The following UTS2R variants were observed in gnomAD, a reference collection of about 807,000 sequenced individuals.
UTS2R encodes the protein urotensin-2 receptor.
For synonymous variants in UTS2R, 335 were observed against 280.9 expected (o/e 1.19, Z -1.93); for missense variants, 653 against 562.2 (o/e 1.16, Z -1.63).
Position 82,371,840 on chromosome 17 carries a change from C to T in UTS2R, c.-476C>T, listed in dbSNP as rs1489816808. 2.0e-5 allele frequency among the ~76,000 whole-genome samples: 3 copies of T among 151,004 alleles called. No individual in the cohort carries two copies. Among genetic ancestry groups the T allele is most frequent in the Non-Finnish European group, 4.5e-5 (3 of 67,328 alleles). ...GGGGCGGGGGGCGCGGCTTTGGTGG[C>T]GGGACTGGCGGGCGCCCCTGCCGTG... is the stretch of plus-strand genomic sequence containing the variant. On this transcript the variant is annotated 5_prime_UTR_variant, in exon 1 of 3. Coordinates refer to ENST00000313135, the MANE Select transcript of UTS2R (RefSeq NM_018949.3). The surrounding 1 kb of genome is among the most constrained non-coding windows in gnomAD (Gnocchi z 6.3).
chr17:82,375,316 G>A lies in UTS2R; in HGVS notation c.992G>A (p.Arg331Gln), dbSNP rs763090906. 3.9e-6 allele frequency: 6 copies of A among 1,546,270 alleles called. No homozygotes were observed. The highest frequency in any genetic ancestry group is 1.7e-4 in the Middle Eastern group (1 of 5,884). ...CGCGACCACCTGCGCGGCCGCGTGC[G>A]GGGCCCGGGCAGCGGGGGAGGCCGG... is the stretch of plus-strand genomic sequence containing the variant. ...NYRDHLRGRVRGPGSGGGRGP... is the reference protein window; with the variant it reads ...NYRDHLRGRVQGPGSGGGRGP... The change falls in exon 3 of 3, where the codon CGG becomes CAG. Residue 331 changes from arginine (R) to glutamine (Q), a missense_variant. Transcript: ENST00000313135.
chr17:82,375,407 C>T lies in UTS2R; in HGVS notation c.1083C>T (p.Ser361=), dbSNP rs1371029212. The change falls in exon 3 of 3, where the codon TCC becomes TCT. Residue 361 remains serine, a synonymous_variant. Transcript: ENST00000313135. The stretch of plus-strand genomic sequence containing the variant: ...GCTGTTCGGGCCGCTCCCTGTCTTC[C>T]TGCAGCCCACAGCCCACTGACAGCC... ...FQRCSGRSLS[S]CSPQPTDSLV... 1 of 1,577,560 alleles carries T rather than the reference C, an allele frequency of 6.3e-7. No individual in the cohort carries two copies. The highest frequency in any genetic ancestry group is 8.5e-7 in the Non-Finnish European group (1 of 1,170,528).
rs934210290 is a variant in UTS2R at position 82,375,707 on chromosome 17, C to T, written c.*213C>T. 2.8e-5 allele frequency: 12 copies of T among 432,790 alleles called. No individual in the cohort carries two copies. The South Asian group carries it at 5.5e-4, about 20-fold the overall frequency. The allele number at this position is 432,790 out of a possible 1,614,324, so 26.8% of individuals were successfully genotyped here. On this transcript the variant is annotated 3_prime_UTR_variant, in exon 3 of 3. Coordinates refer to ENST00000313135, the MANE Select transcript of UTS2R (RefSeq NM_018949.3). Reference sequence around the variant, plus strand: ...TCTCCAGGAGGCTCCAGCGCAGTCCCGGCTTCTGGAGACCATGGCTTCGTC... The same window carrying T: ...TCTCCAGGAGGCTCCAGCGCAGTCCTGGCTTCTGGAGACCATGGCTTCGTC...
Position 82,375,500 on chromosome 17 carries a change from C to G in UTS2R, c.*6C>G, listed in dbSNP as rs778880429. The G allele has an allele frequency of 8.1e-7, 1 of 1,232,536 alleles. No individual in the cohort carries two copies. Among genetic ancestry groups the G allele is most frequent in the Non-Finnish European group, 1.1e-6 (1 of 922,388 alleles). 76.3% of individuals were successfully genotyped at this position (1,232,536 alleles called of 1,614,324 possible). On this transcript the variant is annotated 3_prime_UTR_variant, in exon 3 of 3. Transcript: ENST00000313135. ...GTCCCAGGGCCCCGGCGTGAGCACG[C>G]GGAGGGGCGGCTGGAGTCCAGGCGG...
chr17:82,374,438 C>A lies in UTS2R; in HGVS notation c.114C>A (p.Ser38Arg). 6.3e-7 allele frequency: 1 copy of A among 1,598,398 alleles called. No homozygotes were observed. The change falls in exon 3 of 3, where the codon AGC becomes AGA. Residue 38 changes from serine to arginine, a missense_variant. Ser to Arg is a moderately radical substitution (Grantham distance 110). Coordinates refer to ENST00000313135, the MANE Select transcript of UTS2R (RefSeq NM_018949.3). ...PNATLNSSWASPTEPSSLEDL... is the reference protein window; with the variant it reads ...PNATLNSSWARPTEPSSLEDL... Reference sequence around the variant, plus strand: ...CAACCCTCAACAGCTCCTGGGCCAGCCCGACCGAGCCCAGCTCCCTGGAGG... The same window carrying A: ...CAACCCTCAACAGCTCCTGGGCCAGACCGACCGAGCCCAGCTCCCTGGAGG...
chr17:82,374,135 C>G (rs1157837610), intron 2 of UTS2R, 108 bp from the exon 3 acceptor site: 1 of 584,498 alleles, frequency 1.7e-6, no homozygotes, highest in Non-Finnish European at 3.0e-6. Context: ...CAGAGAGTCC[C>G]GAGAGTTGGA....
Position 82,375,685 on chromosome 17 carries a change from C to T in UTS2R, c.*191C>T, listed in dbSNP as rs544231407. The T allele has an allele frequency of 1.3e-4, 59 of 464,488 alleles. No individual in the cohort carries two copies. The highest frequency in any genetic ancestry group is 9.0e-4 in the African/African-American group (44 of 48,674). The allele number at this position is 464,488 out of a possible 1,614,324, so 28.8% of individuals were successfully genotyped here. On this transcript the variant is annotated 3_prime_UTR_variant, in exon 3 of 3. Transcript: ENST00000313135. ...CGCCCACCCGCCTCCCTGAGGGTCT[C>T]CAGGAGGCTCCAGCGCAGTCCCGGC...
Position 82,374,547 on chromosome 17 carries a change from G to T in UTS2R, c.223G>T (p.Val75Phe). The change falls in exon 3 of 3, where the codon GTC becomes TTC. Residue 75 changes from valine (V) to phenylalanine (F), a missense_variant. Coordinates refer to ENST00000313135, the MANE Select transcript of UTS2R (RefSeq NM_018949.3). ...GVVGNAYTLV[V>F]TCRSLRAVAS... ...GGTGGGCAACGCCTACACGCTGGTG[G>T]TCACCTGCCGCTCCCTGCGTGCGGT... 6.3e-7 allele frequency: 1 copy of T among 1,585,586 alleles called. No individual in the cohort carries two copies. Among genetic ancestry groups the T allele is most frequent in the Non-Finnish European group, 8.6e-7 (1 of 1,166,896 alleles).
Position 82,374,834 on chromosome 17 carries a change from G to C in UTS2R, c.510G>C (p.Ala170=). ...CCAAGGGCTACCGCAAGCTGCTGGCGCTGGGCACCTGGCTGCTGGCGCTGC... is the reference window on the plus strand; with the variant it reads ...CCAAGGGCTACCGCAAGCTGCTGGCCCTGGGCACCTGGCTGCTGGCGCTGC... The part of the protein sequence containing the change: ...QRPKGYRKLL[A]LGTWLLALLL... The change falls in exon 3 of 3, where the codon GCG becomes GCC. Residue 170 remains alanine (A), a synonymous_variant. Coordinates refer to ENST00000313135, the MANE Select transcript of UTS2R (RefSeq NM_018949.3). 1 of 1,472,790 alleles carries C rather than the reference G, an allele frequency of 6.8e-7. No homozygotes were observed. Among genetic ancestry groups the C allele is most frequent in the Non-Finnish European group, 9.3e-7 (1 of 1,078,544 alleles). 91.2% of individuals were successfully genotyped at this position (1,472,790 alleles called of 1,614,324 possible). A position where few individuals can be genotyped will look rare whatever the true frequency, so the allele number is the denominator to read the frequency against.
In UTS2R at chr17:82,374,830, T is replaced by C. The variant is rs200698159; in HGVS notation, c.506T>C (p.Leu169Pro). 1.3e-6 allele frequency: 2 copies of C among 1,493,036 alleles called. No individual in the cohort carries two copies. Among genetic ancestry groups the C allele is most frequent in the Admixed American group, 1.8e-5 (1 of 54,596 alleles). The allele number at this position is 1,493,036 out of a possible 1,614,324, so 92.5% of individuals were successfully genotyped here. ...VQRPKGYRKL[L>P]ALGTWLLALL... ...CGCCCCAAGGGCTACCGCAAGCTGC[T>C]GGCGCTGGGCACCTGGCTGCTGGCG... The change falls in exon 3 of 3, where the codon CTG (leucine) becomes CCG (proline). Residue 169 changes from leucine to proline, a missense_variant. Transcript: ENST00000313135.
In UTS2R at chr17:82,374,265, G is replaced by GC. The variant is rs2052469478; in HGVS notation, c.-55dup. On this transcript the variant is annotated 5_prime_UTR_variant, in exon 3 of 3. Coordinates refer to ENST00000313135, the MANE Select transcript of UTS2R (RefSeq NM_018949.3). ...CAGGCTGAGCTGGTTGCCCACAGGG[G>GC]CCCCCGCCCCATCTCAGGGAGTGTC... The GC allele has an allele frequency of 7.2e-6, 10 of 1,386,972 alleles. No individual in the cohort carries two copies. The highest frequency in any genetic ancestry group is 9.6e-6 in the Non-Finnish European group (10 of 1,047,038). 85.9% of individuals were successfully genotyped at this position (1,386,972 alleles called of 1,614,324 possible).
Position 82,375,331 on chromosome 17 carries a change from G to C in UTS2R, c.1007G>C (p.Gly336Ala). The C allele has an allele frequency of 1.9e-6, 3 of 1,552,138 alleles. No individual in the cohort carries two copies. The highest frequency in any genetic ancestry group is 2.6e-6 in the Non-Finnish European group (3 of 1,151,092). Residue 336 changes from glycine (G) to alanine (A), a missense_variant, in exon 3 of 3, where the codon GGG (glycine) becomes GCG (alanine). Transcript: ENST00000313135. ...GGCCGCGTGCGGGGCCCGGGCAGCG[G>C]GGGAGGCCGGGGGCCCGTTCCCTCC... ...LRGRVRGPGS[G>A]GGRGPVPSLQ...
At position 82,375,033 on chromosome 17, in the gene UTS2R, G is replaced by T; in HGVS notation, c.709G>T (p.Ala237Ser). 7.2e-7 allele frequency: 1 copy of T among 1,395,736 alleles called. No individual in the cohort carries two copies. The highest frequency in any genetic ancestry group is 1.4e-5 in the South Asian group (1 of 70,222). The allele number at this position is 1,395,736 out of a possible 1,614,324, so 86.5% of individuals were successfully genotyped here. A position where few individuals can be genotyped will look rare whatever the true frequency, so the allele number is the denominator to read the frequency against. The change falls in exon 3 of 3, where the codon GCC (alanine) becomes TCC (serine). Residue 237 changes from alanine (A) to serine (S), a missense_variant. By Grantham distance (99) the Ala-to-Ser change is moderately conservative. Transcript: ENST00000313135. ...GCTGCTCTACGCGCGCCTGGCCCGCGCCTACCGCCGCTCGCAGCGCGCCTC... is the reference window on the plus strand; with the variant it reads ...GCTGCTCTACGCGCGCCTGGCCCGCTCCTACCGCCGCTCGCAGCGCGCCTC... Reference protein sequence around the residue: ...IGLLYARLARAYRRSQRASFK... With the variant: ...IGLLYARLARSYRRSQRASFK...
Position 82,375,467 on chromosome 17 carries a change from G to C in UTS2R, c.1143G>C (p.Ala381=). ...VLAPAAPARP[A]PEGPRAPA ...CCCCAGCGGCCCCGGCCCGACCTGC[G>C]CCCGAGGGTCCCAGGGCCCCGGCGT... is the stretch of plus-strand genomic sequence containing the variant. Residue 381 remains alanine, a synonymous_variant, in exon 3 of 3, where the codon GCG becomes GCC. Coordinates refer to ENST00000313135, the MANE Select transcript of UTS2R (RefSeq NM_018949.3). The C allele has an allele frequency of 6.7e-7, 1 of 1,484,348 alleles. No homozygotes were observed. The highest frequency in any genetic ancestry group is 9.0e-7 in the Non-Finnish European group (1 of 1,112,352). The allele number at this position is 1,484,348 out of a possible 1,614,324, so 91.9% of individuals were successfully genotyped here.
Position 82,376,169 on chromosome 17 carries a change from G to A in UTS2R, c.*675G>A, listed in dbSNP as rs909649073. ...CTGAGGCTTTGGGTGCAGAACGCAA[G>A]AGGACAAGGTCAGTGGCCGCACCTA... On this transcript the variant is annotated 3_prime_UTR_variant, in exon 3 of 3. Transcript: ENST00000313135. Among the ~76,000 whole-genome samples the A allele has an allele frequency of 1.3e-5, 2 of 152,208 alleles. No individual in the cohort carries two copies. Among genetic ancestry groups the A allele is most frequent in the Non-Finnish European group, 2.9e-5 (2 of 68,016 alleles).
Position 82,375,406 on chromosome 17 carries a change from C to A in UTS2R, c.1082C>A (p.Ser361Tyr). The A allele has an allele frequency of 6.3e-7, 1 of 1,577,530 alleles. No individual in the cohort carries two copies. Among genetic ancestry groups the A allele is most frequent in the Non-Finnish European group, 8.5e-7 (1 of 1,170,404 alleles). Reference protein sequence around the residue: ...FQRCSGRSLSSCSPQPTDSLV... With the variant: ...FQRCSGRSLSYCSPQPTDSLV... ...CGCTGTTCGGGCCGCTCCCTGTCTT[C>A]CTGCAGCCCACAGCCCACTGACAGC... Residue 361 changes from serine (S) to tyrosine (Y), a missense_variant, in exon 3 of 3, where the codon TCC becomes TAC. Transcript: ENST00000313135.
rs774793713 is a variant in UTS2R at position 82,374,956 on chromosome 17, A to C, written c.632A>C (p.Tyr211Ser). 14 of 1,134,086 alleles carry C rather than the reference A, an allele frequency of 1.2e-5. No homozygotes were observed. In the African/African-American group the frequency reaches 2.1e-4, roughly 17 times the overall value. 70.3% of individuals were successfully genotyped at this position (1,134,086 alleles called of 1,614,324 possible). Residue 211 changes from tyrosine to serine, a missense_variant, in exon 3 of 3, where the codon TAC becomes TCC. Physicochemically the swap from Tyr to Ser is moderately radical, Grantham distance 144 (BLOSUM62 -2). Transcript: ENST00000313135. The part of the protein sequence containing the change: ...PAWGPRAHRA[Y>S]LTLLFATSIA... ...TGGGGCCCGCGCGCCCACCGCGCCTACCTGACGCTGCTCTTCGCCACCAGC... is the reference window on the plus strand; with the variant it reads ...TGGGGCCCGCGCGCCCACCGCGCCTCCCTGACGCTGCTCTTCGCCACCAGC...
rs1353845653 is a variant in UTS2R, at chr17:82,374,255, GCCCACAGGGGC to G, written c.-66_-56del. The G allele has an allele frequency of 1.6e-6, 2 of 1,239,760 alleles. No individual in the cohort carries two copies. The highest frequency in any genetic ancestry group is 2.2e-6 in the Non-Finnish European group (2 of 916,214). The allele number at this position is 1,239,760 out of a possible 1,614,324, so 76.8% of individuals were successfully genotyped here. On this transcript the variant is annotated 5_prime_UTR_variant, in exon 3 of 3. Coordinates refer to ENST00000313135, the MANE Select transcript of UTS2R (RefSeq NM_018949.3). Reference sequence around the variant, plus strand: ...TCTTTCCCCACAGGCTGAGCTGGTTGCCCACAGGGGCCCCCGCCCCATCTCAGGGAGTGTCC... The same window carrying G: ...TCTTTCCCCACAGGCTGAGCTGGTTGCCCCGCCCCATCTCAGGGAGTGTCC...
At position 82,376,466 on chromosome 17, in the gene UTS2R, T is replaced by C. The variant is rs2052496823; in HGVS notation, c.*972T>C. 1.3e-5 allele frequency among the ~76,000 whole-genome samples: 2 copies of C among 151,724 alleles called. No individual in the cohort carries two copies. The highest frequency in any genetic ancestry group is 2.4e-5 in the African/African-American group (1 of 41,256). On this transcript the variant is annotated 3_prime_UTR_variant, in exon 3 of 3. Transcript: ENST00000313135. ...GGCCATGCCCAGACTACCAGCCCCT[T>C]GGGGCTCCATCTGAACACTGGGGCA...
Sources: allele counts gnomAD v4.1 joint callset (sites outside exome capture counted in the v4.1 genomes callset), GRCh38; gene constraint gnomAD v4.1.1; non-coding constraint Gnocchi (gnomAD v3.1); transcripts MANE v1.5; gene names NCBI Gene and HGNC (gene_info 2026-07-23, HGNC 2026-07-21).